Variants in ABLIM1 observed in about 807,000 individuals in gnomAD.
ABLIM1 encodes actin-binding LIM protein 1.
In ABLIM1, 40 loss-of-function variants were observed where a neutral mutation model predicts 107.0. The observed-to-expected ratio is 0.37, with a 90% CI of 0.29 to 0.49. The LOEUF (loss-of-function observed/expected upper bound fraction) is 0.49, where lower values mean the gene tolerates loss of function less well. ABLIM1 is among the 20% of genes least tolerant of loss of function. The pLI is 0.97. For synonymous variants in ABLIM1, 357 were observed against 357.3 expected (o/e 1.00, Z 0.01); for missense variants, 857 against 1,008.5 (o/e 0.85, Z 2.04).
intron 6 of ABLIM1, among the ~76,000 whole-genome samples, chr10:114,507,649 C>T (rs182287564): frequency 4.9e-4 from 75 of 152,300 alleles, no homozygotes; most frequent in African/African-American, 1.2e-3. Context: ...CTGTACCAGG[C>T]GCCAGTCACA....
intron 1 of ABLIM1, among the ~76,000 whole-genome samples, chr10:114,748,639 C>CA (rs2082437477): frequency 6.7e-6 from 1 of 148,366 alleles, no homozygotes; most frequent in South Asian, 2.1e-4. Context: ...GCAAGGACAG[C>CA]AACAGAAGTT....
At chr10:114,471,873 A>G (rs1215897650) in intron 10 of ABLIM1, among the ~76,000 whole-genome samples, 1 of 152,130 alleles carries the variant, frequency 6.6e-6, no homozygotes, top group Non-Finnish European at 1.5e-5. Context: ...GTGGACTAAA[A>G]TCAGTCTACA....
chr10:114,453,569 C>A, intron 12 of ABLIM1, 86 bp from the exon 13 acceptor site: 1 of 1,125,854 alleles, frequency 8.9e-7, no homozygotes. Flanking sequence ...AAATTCAAAA[C>A]AACAGACTGG....
intron 6 of ABLIM1, among the ~76,000 whole-genome samples, chr10:114,543,107 G>C (rs1295446969): frequency 1.3e-5 from 2 of 152,086 alleles, no homozygotes; most frequent in Admixed American, 6.6e-5. Context: ...TAGCCTCCTA[G>C]CTGGCCTGTC....
intron 18 of ABLIM1, 140 bp downstream of exon 18, chr10:114,441,582 G>C: frequency 1.5e-6 from 1 of 676,174 alleles, no homozygotes; most frequent in Non-Finnish European, 2.5e-6. Context: ...TAATTTACTA[G>C]GCAACCAGGG....
chr10:114,448,018 C>T lies in ABLIM1; in HGVS notation c.1597G>A (p.Ala533Thr). 1 of 1,614,064 alleles carries T rather than the reference C, an allele frequency of 6.2e-7. No homozygotes were observed. Reference protein sequence around the residue: ...RKPPIYKQHAALAAQSKSSED... With the variant: ...RKPPIYKQHATLAAQSKSSED... ...GAGGACTTGCTCTGGGCTGCCAAGG[C>T]AGCTGCATCTAGATGGGAATCAGGG... Residue 533 changes from alanine to threonine, a missense_variant and splice_region_variant, in exon 15 of 23, where the codon GCC (alanine) becomes ACC (threonine). This residue lies in a region of ABLIM1 where 103 missense variants were observed against 101.0 expected (regional missense o/e 1.02). Coordinates refer to ENST00000533213, the MANE Select transcript of ABLIM1 (RefSeq NM_002313.7).
chr10:114,498,252 CTA>C (rs2059951383), intron 6 of ABLIM1, among the ~76,000 whole-genome samples: 1 of 152,172 alleles, frequency 6.6e-6, no homozygotes, highest in African/African-American at 2.4e-5. Flanking sequence ...CTGTAAAATT[CTA>C]TGTTTCGGTG....
chr10:114,520,235 C>T (rs1337443596), intron 6 of ABLIM1, among the ~76,000 whole-genome samples: 4 of 152,228 alleles, frequency 2.6e-5, no homozygotes, highest in African/African-American at 9.6e-5. Context: ...TACAGCATTA[C>T]ATTTATATGT....
At chr10:114,623,183 G>A (rs2077574894) in intron 1 of ABLIM1, among the ~76,000 whole-genome samples, 1 of 152,144 alleles carries the variant, frequency 6.6e-6, no homozygotes. Context: ...TATGATTCCA[G>A]GTAAACATGC....
chr10:114,565,137 G>A (rs1715179916), intron 4 of ABLIM1, among the ~76,000 whole-genome samples: 1 of 152,142 alleles, frequency 6.6e-6, no homozygotes. Flanking sequence ...TTCCCTGCCA[G>A]GCCTCCTCTG....
intron 1 of ABLIM1, among the ~76,000 whole-genome samples, chr10:114,710,407 A>G (rs2081523439): frequency 6.6e-6 from 1 of 152,248 alleles, no homozygotes; most frequent in Non-Finnish European, 1.5e-5. Context: ...CAGGCAAGAC[A>G]GAATGAGAGA....
intron 1 of ABLIM1, among the ~76,000 whole-genome samples, chr10:114,729,833 A>G (rs2082036960): frequency 2.6e-5 from 4 of 152,148 alleles, no homozygotes; most frequent in African/African-American, 9.7e-5. Context: ...AGCCAATGAA[A>G]AAACAACAGT....
chr10:114,784,171 C>A, the ABLIM1 span, among the ~76,000 whole-genome samples: 1 of 151,054 alleles, frequency 6.6e-6, no homozygotes, highest in Non-Finnish European at 1.5e-5. Flanking sequence ...CATGGCAAAA[C>A]CCCATCTCTA....
chr10:114,690,948 C>T (rs949713243), intron 1 of ABLIM1, among the ~76,000 whole-genome samples: 1 of 152,218 alleles, frequency 6.6e-6, no homozygotes, highest in Non-Finnish European at 1.5e-5. Context: ...TCTCAAAGTA[C>T]TGCAATTACA....
At chr10:114,489,030 C>T (rs9420155) in intron 7 of ABLIM1, among the ~76,000 whole-genome samples, 28,861 of 150,346 alleles carry the variant, frequency 0.19, 3,178 homozygotes, top group East Asian at 0.48. Flanking sequence ...ATTTTTTTTT[C>T]TTTTGAGACA....
chr10:114,444,748 T>C (rs1039902063), intron 16 of ABLIM1, among the ~76,000 whole-genome samples: 1 of 152,162 alleles, frequency 6.6e-6, no homozygotes, highest in Non-Finnish European at 1.5e-5. Flanking sequence ...TTTGAAAGGA[T>C]TCAGCAGCCT....
chr10:114,762,600 T>A (rs1161593872), intron 1 of ABLIM1, among the ~76,000 whole-genome samples: 3 of 152,174 alleles, frequency 2.0e-5, no homozygotes, highest in African/African-American at 7.2e-5. Flanking sequence ...CATAAAGATA[T>A]AGCCAAAGAA....
At chr10:114,668,327 C>A (rs557997148) in intron 1 of ABLIM1, among the ~76,000 whole-genome samples, 12 of 152,046 alleles carry the variant, frequency 7.9e-5, no homozygotes, top group Non-Finnish European at 1.6e-4. Flanking sequence ...AAAACAAGAT[C>A]TAAGATTGTC....
chr10:114,641,247 T>TA (rs35168530), intron 1 of ABLIM1, among the ~76,000 whole-genome samples: 5,939 of 37,076 alleles, frequency 0.16, 940 homozygotes, highest in African/African-American at 0.2. Flanking sequence ...AAGCCAATCA[T>TA]AAAAAAAAAA....
Sources: gnomAD v4.1 joint callset for allele counts (sites outside exome capture counted in the v4.1 genomes callset) on GRCh38, gnomAD v4.1.1 for gene constraint, gnomAD v4.1.1 regional missense constraint, MANE v1.5 for transcripts, NCBI Gene and HGNC (gene_info 2026-07-23, HGNC 2026-07-21) for gene names.